GABRA3: variants seen among roughly 807,000 people sequenced by gnomAD.
GABRA3 encodes gamma-aminobutyric acid type A receptor subunit alpha3.
A neutral mutation model predicts 30.1 loss-of-function variants in GABRA3; 10 were observed. The ratio of observed to expected loss-of-function variants is 0.33; its 90% confidence interval spans 0.20 to 0.56. The LOEUF (loss-of-function observed/expected upper bound fraction) is 0.56, where lower values mean the gene tolerates loss of function less well. Ranked by LOEUF, GABRA3 falls within the 20% of genes least tolerant of loss-of-function variation. GABRA3 has a pLI of 0.89. For missense variants in GABRA3, 233 were observed against 392.0 expected, an observed-to-expected ratio of 0.59 and a Z score of 3.42; for synonymous variants, 151 against 146.8, an observed-to-expected ratio of 1.03 and a Z score of -0.21.
At chrX:152,405,182 G>T (rs1314515091) in intron 1 of GABRA3, among the ~76,000 whole-genome samples, 1 of 107,420 alleles carries the variant, frequency 9.3e-6, no homozygotes, top group African/African-American at 3.4e-5. Context: ...AGCAAGGTGA[G>T]TATGGGTCTT....
chrX:152,312,664 A>G (rs1939815716), intron 3 of GABRA3, among the ~76,000 whole-genome samples: 1 of 112,115 alleles, frequency 8.9e-6, no homozygotes, highest in African/African-American at 3.2e-5. Context: ...GAGCTTCTGC[A>G]CAGCAAAAGA....
chrX:152,369,554 C>T (rs1928771354), intron 1 of GABRA3, among the ~76,000 whole-genome samples: 1 of 111,021 alleles, frequency 9.0e-6, no homozygotes, highest in African/African-American at 3.3e-5. Context: ...ATCCCCTCTA[C>T]CTGGGATGTT....
chrX:152,364,291 C>G (rs912336774), intron 2 of GABRA3, 140 bp downstream of exon 2: 4 of 552,336 alleles, frequency 7.2e-6, no homozygotes, highest in African/African-American at 7.2e-5. Flanking sequence ...GAGCCTATGA[C>G]TTTTTTCTAA....
At chrX:152,402,376 T>A (rs1257105073) in intron 1 of GABRA3, among the ~76,000 whole-genome samples, 1 of 112,082 alleles carries the variant, frequency 8.9e-6, no homozygotes, top group African/African-American at 3.2e-5. Flanking sequence ...AACAAGATTG[T>A]CTGTGTGATG....
intron 9 of GABRA3, among the ~76,000 whole-genome samples, chrX:152,187,656 T>G (rs1327168572): frequency 9.0e-6 from 1 of 111,504 alleles, no homozygotes; most frequent in African/African-American, 3.3e-5. Context: ...CAAGGAAGAC[T>G]ACTCATAAGA....
At chrX:152,284,069 T>C (rs1939245565) in intron 4 of GABRA3, among the ~76,000 whole-genome samples, 1 of 111,635 alleles carries the variant, frequency 9.0e-6, no homozygotes, top group Non-Finnish European at 1.9e-5. Flanking sequence ...CAATGGATAA[T>C]GGTGAGAAAA....
intron 1 of GABRA3, among the ~76,000 whole-genome samples, chrX:152,407,344 CA>C (rs1487170760): frequency 9.1e-6 from 1 of 109,622 alleles, no homozygotes; most frequent in South Asian, 3.8e-4. Context: ...AACTAACTTA[CA>C]AAAAAAGGAA....
chrX:152,393,044 A>G (rs1929535375), intron 1 of GABRA3, among the ~76,000 whole-genome samples: 2 of 112,026 alleles, frequency 1.8e-5, no homozygotes, highest in Non-Finnish European at 3.8e-5. Flanking sequence ...GGCTACCTAC[A>G]CAATCCCACG....
chrX:152,277,302 T>C (rs13440586), intron 4 of GABRA3, among the ~76,000 whole-genome samples: 21,851 of 110,327 alleles, frequency 0.2, 2,402 homozygotes, highest in African/African-American at 0.42. Context: ...ACTAGGATAA[T>C]GGCATAATTT....
intron 1 of GABRA3, among the ~76,000 whole-genome samples, chrX:152,378,342 C>A (rs1929051641): frequency 1.8e-5 from 2 of 111,210 alleles, no homozygotes; most frequent in Admixed American, 1.9e-4. Context: ...AGGACCTCCA[C>A]CAAAAGAAGT....
At chrX:152,350,516 G>T (rs1205091653) in intron 2 of GABRA3, among the ~76,000 whole-genome samples, 1 of 110,967 alleles carries the variant, frequency 9.0e-6, no homozygotes, top group Non-Finnish European at 1.9e-5. Context: ...ATGAATCCAG[G>T]AGCTGGTTTT....
intron 5 of GABRA3, among the ~76,000 whole-genome samples, chrX:152,255,423 G>C (rs942041653): frequency 1.1e-4 from 12 of 111,562 alleles, no homozygotes; most frequent in African/African-American, 3.6e-4. Context: ...AATTATCAGC[G>C]TTCATGCCTG....
intron 3 of GABRA3, among the ~76,000 whole-genome samples, chrX:152,311,254 C>T (rs1026118960): frequency 3.6e-5 from 4 of 110,717 alleles, no homozygotes; most frequent in African/African-American, 9.8e-5. Context: ...AAACACAATG[C>T]AAAAAGAAAG....
chrX:152,233,303 T>C (rs779523562), intron 5 of GABRA3, among the ~76,000 whole-genome samples: 2 of 111,415 alleles, frequency 1.8e-5, no homozygotes, highest in Admixed American at 9.6e-5. Context: ...GCAGAAGCTC[T>C]TTAGTTTAAT....
At chrX:152,242,774 T>A (rs986690013) in intron 5 of GABRA3, among the ~76,000 whole-genome samples, 5 of 111,895 alleles carry the variant, frequency 4.5e-5, no homozygotes, top group Admixed American at 9.5e-5. Context: ...AGAGAACTCT[T>A]TCATACGGCC....
At chrX:152,199,184 G>A (rs1045307489) in intron 7 of GABRA3, among the ~76,000 whole-genome samples, 97 of 109,546 alleles carry the variant, frequency 8.9e-4, no homozygotes, top group Non-Finnish European at 1.5e-3. Context: ...GGCTAACATG[G>A]TGAAACCCCA....
At chrX:152,184,477 A>T (rs1937227321) in intron 9 of GABRA3, among the ~76,000 whole-genome samples, 1 of 111,307 alleles carries the variant, frequency 9.0e-6, no homozygotes, top group African/African-American at 3.3e-5. Context: ...TCCTCTAGGG[A>T]TGCTCAGCTT....
intron 3 of GABRA3, among the ~76,000 whole-genome samples, chrX:152,296,019 A>G (rs764757781): frequency 3.7e-4 from 41 of 112,083 alleles, no homozygotes; most frequent in African/African-American, 1.3e-3. Context: ...ACACCTTTAC[A>G]TCTCACTATG....
intron 5 of GABRA3, among the ~76,000 whole-genome samples, chrX:152,241,543 C>T (rs1413558701): frequency 9.2e-6 from 1 of 108,474 alleles, no homozygotes. Flanking sequence ...CCAGTTCGAG[C>T]TTCCCGGCTG....
Sources: gnomAD v4.1 joint callset for allele counts (sites outside exome capture counted in the v4.1 genomes callset) on GRCh38, gnomAD v4.1.1 for gene constraint, MANE v1.5 for transcripts, NCBI Gene and HGNC (gene_info 2026-07-23, HGNC 2026-07-21) for gene names.